DLGAP2: variants seen among roughly 807,000 people sequenced by gnomAD.
DLGAP2 encodes the protein DLG associated protein 2.
Under a neutral mutation model 100.3 loss-of-function variants are expected in DLGAP2, and 26 were observed. That is an observed-to-expected ratio of 0.26 (90% confidence interval 0.19 to 0.36). DLGAP2 has a LOEUF of 0.36. DLGAP2 is among the 10% of genes least tolerant of loss of function. The probability of loss-of-function intolerance (pLI) is 1.00; values close to 1 mark genes in which losing one functional copy is unlikely to be tolerated. For missense variants in DLGAP2, 1,858 were observed against 1,453.2 expected (o/e 1.28, Z -4.53); for synonymous variants, 886 against 630.1 (o/e 1.41, Z -6.08).
At chr8:1,317,336 C>T (rs1442609211) in intron 3 of DLGAP2, among the ~76,000 whole-genome samples, 3 of 131,362 alleles carry the variant, frequency 2.3e-5, no homozygotes, top group African/African-American at 8.7e-5. Context: ...TGCAGCGTCT[C>T]TCCAACAGTG....
chr8:801,852 C>T (rs1253955322), intron 1 of DLGAP2, among the ~76,000 whole-genome samples: 1 of 152,158 alleles, frequency 6.6e-6, no homozygotes, highest in Non-Finnish European at 1.5e-5. Flanking sequence ...GGTGGCTGTG[C>T]CCTTTCGTAC....
Position 1,075,900 on chromosome 8 carries a change from C to CA in DLGAP2, c.73+167942dup, listed in dbSNP as rs36036928. 4.0e-5 allele frequency among the ~76,000 whole-genome samples: 6 copies of CA among 149,638 alleles called. No homozygotes were observed. In the South Asian group the frequency reaches 6.4e-4, roughly 16 times the overall value. On this transcript the variant is annotated intron_variant, in intron 2 of 14. Coordinates refer to ENST00000637795, the MANE Select transcript of DLGAP2 (RefSeq NM_001346810.2). ...TGGGCAACGGAGGGAGACCTCATCT[C>CA]AAAAAAAATAAAAACAAAAAAAAAG... is the stretch of plus-strand genomic sequence containing the variant.
At chr8:827,828 C>T (rs149704571) in intron 1 of DLGAP2, among the ~76,000 whole-genome samples, 28,346 of 152,064 alleles carry the variant, frequency 0.19, 3,350 homozygotes, top group Admixed American at 0.38. Context: ...GGACCTGCCC[C>T]GATAATCACG....
intron 3 of DLGAP2, among the ~76,000 whole-genome samples, chr8:1,421,957 C>A (rs1393600624): frequency 6.6e-6 from 1 of 151,946 alleles, no homozygotes; most frequent in Non-Finnish European, 1.5e-5. Flanking sequence ...CAAAGTGAGA[C>A]TCCATCTCAA....
intron 2 of DLGAP2, among the ~76,000 whole-genome samples, chr8:1,082,313 A>C (rs1019868385): frequency 6.6e-6 from 1 of 152,194 alleles, no homozygotes; most frequent in Non-Finnish European, 1.5e-5. Context: ...TTGATTTTTT[A>C]TCTCTCTTAT....
intron 1 of DLGAP2, among the ~76,000 whole-genome samples, chr8:887,213 C>G (rs1354531682): frequency 2.0e-5 from 3 of 148,796 alleles, no homozygotes; most frequent in Admixed American, 1.3e-4. Context: ...TTTTTGCTTT[C>G]CATTTGCTTG....
rs1183405335 is a variant in DLGAP2, at chr8:1,393,056, GCCAC to G, written c.107-108308_107-108305del. Among the ~76,000 whole-genome samples the G allele has an allele frequency of 3.6e-4, 15 of 42,208 alleles. No homozygotes were observed. The Admixed American group carries it at 4.1e-3, about 11-fold the overall frequency. 27.7% of individuals were successfully genotyped at this position (42,208 alleles called of 152,430 possible). A position where few individuals can be genotyped will look rare whatever the true frequency, so the allele number is the denominator to read the frequency against. ...GTCGTGTATTGAGTGCTTACTGAGCGCCACCTCCTCGTCCTCCAGAGTCGTGCAT... is the reference window on the plus strand; with the variant it reads ...GTCGTGTATTGAGTGCTTACTGAGCGCTCCTCGTCCTCCAGAGTCGTGCAT... On this transcript the variant is annotated intron_variant, in intron 3 of 14. Coordinates refer to ENST00000637795, the MANE Select transcript of DLGAP2 (RefSeq NM_001346810.2).
chr8:1,071,511 A>G lies in DLGAP2; in HGVS notation c.73+163545A>G, dbSNP rs190367861. Among the ~76,000 whole-genome samples, 135 of 152,304 alleles carry G rather than the reference A, an allele frequency of 8.9e-4. 1 individual carries two copies. The highest frequency in any genetic ancestry group is 3.1e-3 in the African/African-American group (129 of 41,560). ...GCTCCTGGGCGTCCCGGTGCCAGAC[A>G]GGATCCAGATTTCCCTTCTTATGAT... On this transcript the variant is annotated intron_variant, in intron 2 of 14. Coordinates refer to ENST00000637795, the MANE Select transcript of DLGAP2 (RefSeq NM_001346810.2).
intron 3 of DLGAP2, among the ~76,000 whole-genome samples, chr8:1,272,400 T>A (rs1799600841): frequency 6.6e-6 from 1 of 152,026 alleles, no homozygotes. Flanking sequence ...TATATATAGA[T>A]GTTTTATATA....
intron 2 of DLGAP2, among the ~76,000 whole-genome samples, chr8:1,134,278 T>C (rs940338859): frequency 3.3e-5 from 5 of 152,216 alleles, no homozygotes; most frequent in Non-Finnish European, 4.4e-5. Flanking sequence ...TTTGCTCTTG[T>C]GAATAGTGCT....
intron 6 of DLGAP2, among the ~76,000 whole-genome samples, chr8:1,578,015 A>G (rs1393057259): frequency 6.6e-6 from 1 of 152,264 alleles, no homozygotes; most frequent in East Asian, 1.9e-4. Flanking sequence ...TACTAAGTTT[A>G]TCTTATACCC....
intron 8 of DLGAP2, among the ~76,000 whole-genome samples, chr8:1,642,020 G>A (rs1254465349): frequency 1.6e-4 from 5 of 32,202 alleles, no homozygotes; most frequent in Admixed American, 3.2e-4. Flanking sequence ...CCTCACCTGT[G>A]TCACCCTCGA....
Position 1,355,101 on chromosome 8 carries a change from A to T in DLGAP2, c.106+96218A>T, listed in dbSNP as rs568345069. On this transcript the variant is annotated intron_variant, in intron 3 of 14. Transcript: ENST00000637795. ...AAGTCACGGATGATTCTGTGGATGAAGGTGGAAAGTCACGGAAATGTGCGT... is the reference window on the plus strand; with the variant it reads ...AAGTCACGGATGATTCTGTGGATGATGGTGGAAAGTCACGGAAATGTGCGT... Among the ~76,000 whole-genome samples the T allele has an allele frequency of 2.8e-4, 42 of 152,084 alleles. No individual in the cohort carries two copies. In the South Asian group the frequency reaches 5.4e-3, roughly 20 times the overall value.
chr8:1,106,276 G>A (rs948220897), intron 2 of DLGAP2, among the ~76,000 whole-genome samples: 1 of 151,200 alleles, frequency 6.6e-6, no homozygotes, highest in African/African-American at 2.4e-5. Flanking sequence ...TTCTAGGAGG[G>A]TTTTCTACTG....
intron 1 of DLGAP2, among the ~76,000 whole-genome samples, chr8:825,817 C>T (rs1275753643): frequency 1.3e-5 from 2 of 152,188 alleles, no homozygotes; most frequent in Non-Finnish European, 2.9e-5. Context: ...TCTGTCACCT[C>T]AAGCACTTAT....
At chr8:1,098,089 A>C (rs1804448135) in intron 2 of DLGAP2, among the ~76,000 whole-genome samples, 1 of 152,248 alleles carries the variant, frequency 6.6e-6, no homozygotes, top group Non-Finnish European at 1.5e-5. Flanking sequence ...ATTTCCTTGC[A>C]ACGCAATTCT....
intron 2 of DLGAP2, among the ~76,000 whole-genome samples, chr8:1,120,391 C>T (rs1796010070): frequency 6.6e-6 from 1 of 152,202 alleles, no homozygotes. Context: ...AACCCTAGTC[C>T]TTCAGATACC....
At chr8:1,041,497 C>T (rs941982414) in intron 2 of DLGAP2, among the ~76,000 whole-genome samples, 1 of 152,168 alleles carries the variant, frequency 6.6e-6, no homozygotes, top group Non-Finnish European at 1.5e-5. Context: ...GCCTGTTTCT[C>T]CTGTTTCTGA....
At chr8:1,533,237 G>A (rs1413323208) in intron 4 of DLGAP2, among the ~76,000 whole-genome samples, 1 of 152,032 alleles carries the variant, frequency 6.6e-6, no homozygotes, top group Non-Finnish European at 1.5e-5. Context: ...AGTGGCTCAT[G>A]CCTGTAATTC....
Sources: gnomAD v4.1 joint callset for allele counts (sites outside exome capture counted in the v4.1 genomes callset) on GRCh38, gnomAD v4.1.1 for gene constraint, MANE v1.5 for transcripts, NCBI Gene and HGNC (gene_info 2026-07-23, HGNC 2026-07-21) for gene names.